The following NKAIN1 variants were observed in gnomAD, a reference collection of about 807,000 sequenced individuals.
The protein encoded by NKAIN1 is sodium/potassium-transporting ATPase subunit beta-1-interacting protein 1.
NKAIN1 carries 13 observed loss-of-function variants against 31.6 expected under a neutral mutation model. The observed-to-expected ratio is 0.41, with a 90% CI of 0.27 to 0.65. The LOEUF (loss-of-function observed/expected upper bound fraction) is 0.65. Ranked by LOEUF, NKAIN1 falls within the 30% of genes least tolerant of loss-of-function variation. The probability of loss-of-function intolerance (pLI) is 0.30; values close to 1 mark genes in which losing one functional copy is unlikely to be tolerated. For synonymous variants in NKAIN1, 104 were observed against 109.0 expected (o/e 0.95, Z 0.28); for missense variants, 193 against 262.2 (o/e 0.74, Z 1.82).
At chr1:31,229,507 C>T (rs528349055) in intron 1 of NKAIN1, among the ~76,000 whole-genome samples, 12 of 152,244 alleles carry the variant, frequency 7.9e-5, no homozygotes, top group Admixed American at 4.6e-4. Flanking sequence ...GTAGCTGGGA[C>T]GACAGGTGCA....
intron 1 of NKAIN1, among the ~76,000 whole-genome samples, chr1:31,227,904 C>G (rs940624660): frequency 6.6e-6 from 1 of 152,154 alleles, no homozygotes; most frequent in Admixed American, 6.5e-5. Flanking sequence ...GTGTCAGAGT[C>G]CAGGGAGGGT....
chr1:31,218,836 C>G (rs972734871), intron 1 of NKAIN1, among the ~76,000 whole-genome samples: 4 of 152,250 alleles, frequency 2.6e-5, no homozygotes, highest in African/African-American at 9.6e-5. Context: ...TGGATGATCC[C>G]TGTCTCTGGT....
At chr1:31,185,098 G>A in intron 3 of NKAIN1, 149 bp downstream of exon 3, 3 of 648,982 alleles carry the variant, frequency 4.6e-6, no homozygotes, top group Non-Finnish European at 8.3e-6. Context: ...TGTGTAAGTA[G>A]GAAATGGGGC....
chr1:31,232,579 G>A (rs1295140955), intron 1 of NKAIN1, among the ~76,000 whole-genome samples: 4 of 150,026 alleles, frequency 2.7e-5, no homozygotes, highest in Non-Finnish European at 4.4e-5. Flanking sequence ...GTGAGCCACC[G>A]CACCTGGCCT....
chr1:31,195,303 G>T (rs12124304), intron 1 of NKAIN1, among the ~76,000 whole-genome samples: 1 of 151,524 alleles, frequency 6.6e-6, no homozygotes, highest in Non-Finnish European at 1.5e-5. Flanking sequence ...GTATTTTTTA[G>T]TGGAGACGGG....
chr1:31,237,957 C>G (rs908252099), intron 1 of NKAIN1, among the ~76,000 whole-genome samples: 9 of 152,176 alleles, frequency 5.9e-5, no homozygotes, highest in African/African-American at 2.2e-4. Flanking sequence ...CATTTCTTGG[C>G]ATTTCATGTT....
At position 31,231,781 on chromosome 1, in the gene NKAIN1, T is replaced by C. The variant is rs538774020; in HGVS notation, c.54+7713A>G. Among the ~76,000 whole-genome samples the C allele has an allele frequency of 4.0e-3, 603 of 152,266 alleles. 3 individuals carry two copies. Among genetic ancestry groups the C allele is most frequent in the Non-Finnish European group, 5.3e-3 (360 of 68,020 alleles). ...TCCTGACCTTGTGATCCGCCCGCCT[T>C]GGCCTCCCAAAGTGCCGGGATTACA... On this transcript the variant is annotated intron_variant, in intron 1 of 6. Coordinates refer to ENST00000373736, the MANE Select transcript of NKAIN1 (RefSeq NM_024522.3).
intron 1 of NKAIN1, among the ~76,000 whole-genome samples, chr1:31,209,182 C>G (rs1645447574): frequency 6.6e-6 from 1 of 152,186 alleles, no homozygotes; most frequent in Non-Finnish European, 1.5e-5. Context: ...CGTGACCAGC[C>G]TGACCAACAC....
intron 1 of NKAIN1, among the ~76,000 whole-genome samples, chr1:31,206,507 C>A (rs1479695193): frequency 6.6e-6 from 1 of 152,110 alleles, no homozygotes; most frequent in African/African-American, 2.4e-5. Flanking sequence ...GTGATCTTGG[C>A]TCACTGCAAC....
intron 1 of NKAIN1, among the ~76,000 whole-genome samples, chr1:31,194,753 TTC>T (rs1184014098): frequency 2.7e-5 from 4 of 146,474 alleles, no homozygotes; most frequent in Non-Finnish European, 3.0e-5. Flanking sequence ...TTCCTTCCTT[TTC>T]TCTCTCTCTC....
At chr1:31,234,448 C>T (rs1351820755) in intron 1 of NKAIN1, among the ~76,000 whole-genome samples, 1 of 136,426 alleles carries the variant, frequency 7.3e-6, no homozygotes, top group African/African-American at 2.8e-5. Context: ...ACATCCCGCC[C>T]CCCGCCCCCA....
intron 1 of NKAIN1, among the ~76,000 whole-genome samples, chr1:31,212,567 G>A (rs1645478714): frequency 6.6e-6 from 1 of 151,996 alleles, no homozygotes; most frequent in Non-Finnish European, 1.5e-5. Flanking sequence ...ACCAAACCCG[G>A]CTACTTTTTG....
intron 1 of NKAIN1, among the ~76,000 whole-genome samples, chr1:31,192,316 T>A (rs1645292628): frequency 6.6e-6 from 1 of 152,160 alleles, no homozygotes; most frequent in South Asian, 2.1e-4. Context: ...ACATCTGACA[T>A]GCCCTCACCC....
At chr1:31,195,124 C>CTTT (rs112786243) in intron 1 of NKAIN1, among the ~76,000 whole-genome samples, 4 of 125,442 alleles carry the variant, frequency 3.2e-5, no homozygotes, top group Admixed American at 8.2e-5. Context: ...TTCCTTCCTC[C>CTTT]TTTTTTTTTT....
chr1:31,234,174 C>T (rs899949150), intron 1 of NKAIN1, among the ~76,000 whole-genome samples: 5 of 152,152 alleles, frequency 3.3e-5, no homozygotes, highest in African/African-American at 9.7e-5. Flanking sequence ...CCAACTCTGT[C>T]CAAAGGGGTA....
At chr1:31,228,596 G>A (rs1645624827) in intron 1 of NKAIN1, among the ~76,000 whole-genome samples, 1 of 151,880 alleles carries the variant, frequency 6.6e-6, no homozygotes, top group African/African-American at 2.4e-5. Context: ...GCAGTCATCC[G>A]ACCTACACAT....
At chr1:31,225,761 T>C (rs1645599660) in intron 1 of NKAIN1, among the ~76,000 whole-genome samples, 2 of 152,222 alleles carry the variant, frequency 1.3e-5, no homozygotes, top group Non-Finnish European at 2.9e-5. Context: ...TCTTGGGCTA[T>C]GCCCCTCTCA....
intron 1 of NKAIN1, among the ~76,000 whole-genome samples, chr1:31,220,732 C>T (rs369631167): frequency 3.3e-5 from 4 of 122,112 alleles, no homozygotes; most frequent in East Asian, 2.4e-4. Context: ...TCCAGCCTGG[C>T]GACAGAGTAA....
chr1:31,226,011 G>C (rs72659271), intron 1 of NKAIN1, among the ~76,000 whole-genome samples: 3 of 152,194 alleles, frequency 2.0e-5, no homozygotes, highest in Non-Finnish European at 4.4e-5. Context: ...TGTTAAATGG[G>C]AATGACAGAT....
Sources: allele counts gnomAD v4.1 joint callset (sites outside exome capture counted in the v4.1 genomes callset), GRCh38; gene constraint gnomAD v4.1.1; transcripts MANE v1.5; gene names NCBI Gene and HGNC (gene_info 2026-07-23, HGNC 2026-07-21).